Variants in HSPA12A observed in about 807,000 individuals in gnomAD.
The protein encoded by HSPA12A is heat shock 70 kDa protein 12A.
Under a neutral mutation model 69.2 loss-of-function variants are expected in HSPA12A, and 28 were observed. The ratio of observed to expected loss-of-function variants is 0.40; its 90% CI spans 0.30 to 0.55. The LOEUF is 0.55. Ranked by LOEUF, HSPA12A falls within the 20% of genes least tolerant of loss-of-function variation. The pLI is 0.38. For synonymous variants in HSPA12A, 345 were observed against 370.5 expected, an observed-to-expected ratio of 0.93 and a Z score of 0.79; for missense variants, 686 against 900.7, an observed-to-expected ratio of 0.76 and a Z score of 3.05.
intron 6 of HSPA12A, among the ~76,000 whole-genome samples, chr10:116,689,703 G>A (rs1339631416): frequency 1.3e-5 from 2 of 152,006 alleles, no homozygotes; most frequent in Non-Finnish European, 2.9e-5. Flanking sequence ...AAGATCTGCA[G>A]CCAGCAAGCT....
chr10:116,719,962 T>A (rs972400797), intron 1 of HSPA12A, among the ~76,000 whole-genome samples: 2 of 152,126 alleles, frequency 1.3e-5, no homozygotes, highest in Non-Finnish European at 1.5e-5. Flanking sequence ...AGTGAAAAAG[T>A]AAAGGGCTTT....
chr10:116,726,666 C>T (rs1397198181), intron 1 of HSPA12A, among the ~76,000 whole-genome samples: 4 of 152,172 alleles, frequency 2.6e-5, no homozygotes, highest in Non-Finnish European at 5.9e-5. Flanking sequence ...TAGCCTCTAC[C>T]CGTCCCCAAT....
chr10:116,845,522 T>C (rs539033293), intron 1 of HSPA12A, among the ~76,000 whole-genome samples: 1 of 152,142 alleles, frequency 6.6e-6, no homozygotes, highest in Non-Finnish European at 1.5e-5. Context: ...CTAATATCAT[T>C]TCCTCTTTCT....
intron 2 of HSPA12A, among the ~76,000 whole-genome samples, chr10:116,761,530 A>T (rs1331970109): frequency 6.6e-6 from 1 of 151,458 alleles, no homozygotes; most frequent in Non-Finnish European, 1.5e-5. Flanking sequence ...CTAACTAGTG[A>T]GGAACTCATC....
intron 10 of HSPA12A, among the ~76,000 whole-genome samples, chr10:116,677,364 T>C (rs1373305455): frequency 3.3e-5 from 5 of 152,156 alleles, no homozygotes; most frequent in African/African-American, 1.2e-4. Context: ...GAACATGTTC[T>C]AGATGCTGGA....
Position 116,675,147 on chromosome 10 carries a change from C to T in HSPA12A, c.1662G>A (p.Lys554=), listed in dbSNP as rs374807154. The change falls in exon 12 of 12, where the codon AAG becomes AAA. Residue 554 remains lysine, a synonymous_variant. Transcript: ENST00000369209. The surrounding 1 kb of genome is among the most constrained non-coding windows in gnomAD (Gnocchi z 5.2). ...RYVEGKHPPE[K]LLVKDGTRWC... is the part of the protein sequence containing the mutation. ...ACCGAGTGCCATCCTTCACCAGCAGCTTCTCAGGCGGGTGCTTGCCCTCCA... is the reference window on the plus strand; with the variant it reads ...ACCGAGTGCCATCCTTCACCAGCAGTTTCTCAGGCGGGTGCTTGCCCTCCA... The T allele has an allele frequency of 5.6e-6, 9 of 1,613,900 alleles. No individual in the cohort carries two copies. The highest frequency in any genetic ancestry group is 3.3e-5 in the South Asian group (3 of 91,088).
intron 2 of HSPA12A, among the ~76,000 whole-genome samples, chr10:116,810,125 C>G (rs369300102): frequency 1.3e-5 from 2 of 152,168 alleles, no homozygotes; most frequent in East Asian, 3.9e-4. Context: ...GTGCTGGGGT[C>G]GCAAGGTGTT....
intron 2 of HSPA12A, among the ~76,000 whole-genome samples, chr10:116,705,566 T>A (rs1850218183): frequency 6.6e-6 from 1 of 152,234 alleles, no homozygotes; most frequent in South Asian, 2.1e-4. Flanking sequence ...CACGGCTAGT[T>A]ACAGAAATTC....
chr10:116,807,989 C>T (rs975875966), intron 2 of HSPA12A, among the ~76,000 whole-genome samples: 28 of 152,208 alleles, frequency 1.8e-4, no homozygotes, highest in African/African-American at 6.3e-4. Flanking sequence ...TACAGTCTAA[C>T]AGGCTTTAGC....
chr10:116,806,533 C>A (rs899038229), intron 2 of HSPA12A, among the ~76,000 whole-genome samples: 9 of 151,950 alleles, frequency 5.9e-5, no homozygotes, highest in African/African-American at 2.2e-4. Context: ...TCTATTTCAT[C>A]TTAAAGATGT....
intron 1 of HSPA12A, among the ~76,000 whole-genome samples, chr10:116,713,599 A>C (rs2133004606): frequency 6.6e-6 from 1 of 152,194 alleles, no homozygotes; most frequent in Admixed American, 6.5e-5. Context: ...GGGGCAGCTG[A>C]GTTTCCCAAG....
chr10:116,682,461 G>T (rs74158819), intron 7 of HSPA12A, among the ~76,000 whole-genome samples: 24,560 of 151,544 alleles, frequency 0.16, 2,285 homozygotes, highest in South Asian at 0.27. Flanking sequence ...AGACTGGGGG[G>T]GGGGGCCATT....
chr10:116,721,928 C>T (rs1340158438), intron 1 of HSPA12A, among the ~76,000 whole-genome samples: 5 of 152,178 alleles, frequency 3.3e-5, no homozygotes, highest in East Asian at 3.9e-4. Flanking sequence ...GTTCCAGCCC[C>T]GACACATCAG....
At chr10:116,780,007 C>G (rs938803862) in intron 2 of HSPA12A, among the ~76,000 whole-genome samples, 2 of 152,168 alleles carry the variant, frequency 1.3e-5, no homozygotes. Context: ...AGGCCAGCCA[C>G]GAGTCAGAGA....
At chr10:116,718,911 G>A (rs1219564386) in intron 1 of HSPA12A, among the ~76,000 whole-genome samples, 3 of 151,912 alleles carry the variant, frequency 2.0e-5, no homozygotes, top group African/African-American at 7.3e-5. Flanking sequence ...TCAGGGGTGT[G>A]GGGTGAGAAC....
At chr10:116,775,164 T>C (rs1207569242) in intron 2 of HSPA12A, among the ~76,000 whole-genome samples, 1 of 152,254 alleles carries the variant, frequency 6.6e-6, no homozygotes, top group East Asian at 1.9e-4. Context: ...GTGCTGATTC[T>C]GTACTAAGAA....
In HSPA12A at chr10:116,673,292, T is replaced by A. The variant is rs980669581; in HGVS notation, c.*1489A>T. On this transcript the variant is annotated 3_prime_UTR_variant, in exon 12 of 12. Transcript: ENST00000369209. ...CGTTCTTGGTGTCGCTTTCTTGCAA[T>A]TTTTTTCCTCCCCTGGCCCTTCCTG... is the stretch of plus-strand genomic sequence containing the variant. 1 of 151,962 alleles carries A rather than the reference T, an allele frequency of 6.6e-6. No individual in the cohort carries two copies. The highest frequency in any genetic ancestry group is 1.5e-5 in the Non-Finnish European group (1 of 67,986). The allele number at this position is 151,962 out of a possible 1,614,324, so 9.4% of individuals were successfully genotyped here. A position where few individuals can be genotyped will look rare whatever the true frequency, so the allele number is the denominator to read the frequency against.
chr10:116,797,000 C>CG (rs922278556), intron 2 of HSPA12A, among the ~76,000 whole-genome samples: 7 of 152,190 alleles, frequency 4.6e-5, no homozygotes, highest in African/African-American at 1.7e-4. Context: ...TTGCTGCCCC[C>CG]GGGAACTCTT....
intron 2 of HSPA12A, among the ~76,000 whole-genome samples, chr10:116,762,107 C>A (rs749005587): frequency 4.6e-5 from 7 of 152,196 alleles, no homozygotes; most frequent in Admixed American, 1.3e-4. Flanking sequence ...CCAAATACAG[C>A]GTGGCCCTTG....
Sources: allele counts gnomAD v4.1 joint callset (sites outside exome capture counted in the v4.1 genomes callset), GRCh38; gene constraint gnomAD v4.1.1; non-coding constraint Gnocchi (gnomAD v3.1); transcripts MANE v1.5; gene names NCBI Gene and HGNC (gene_info 2026-07-23, HGNC 2026-07-21).